Variants in RAB6B observed in about 807,000 individuals in gnomAD.
The protein encoded by RAB6B is ras-related protein Rab-6B.
In RAB6B, 7 loss-of-function variants were observed where a neutral mutation model predicts 31.2. That is an observed-to-expected ratio of 0.22 (90% CI 0.13 to 0.42). RAB6B has a LOEUF of 0.42. RAB6B is among the 10% of genes least tolerant of loss of function. The pLI is 1.00. For missense variants in RAB6B, 149 were observed against 280.6 expected (o/e 0.53, Z 3.35); for synonymous variants, 105 against 104.9 (o/e 1.00, Z -0.01).
intron 1 of RAB6B, among the ~76,000 whole-genome samples, chr3:133,866,602 T>G (rs1050601516): frequency 6.6e-6 from 1 of 152,228 alleles, no homozygotes; most frequent in South Asian, 2.1e-4. Context: ...AAACTTCTGA[T>G]AGAAACGAGG....
At chr3:133,856,239 G>C (rs1278594935) in intron 2 of RAB6B, among the ~76,000 whole-genome samples, 1 of 152,146 alleles carries the variant, frequency 6.6e-6, no homozygotes, top group Non-Finnish European at 1.5e-5. Flanking sequence ...ACAAAGAAGT[G>C]GACGGGAGGA....
intron 1 of RAB6B, among the ~76,000 whole-genome samples, chr3:133,890,257 C>G (rs1936619155): frequency 6.6e-6 from 1 of 152,094 alleles, no homozygotes; most frequent in Non-Finnish European, 1.5e-5. Flanking sequence ...TGAGGAAGTG[C>G]CCCCCAAGAA....
At chr3:133,877,570 CACA>C (rs1224157193) in intron 1 of RAB6B, among the ~76,000 whole-genome samples, 6 of 152,002 alleles carry the variant, frequency 3.9e-5, no homozygotes, top group Non-Finnish European at 7.4e-5. Flanking sequence ...ACTATCCACA[CACA>C]ACAAGGCAAA....
At position 133,828,164 on chromosome 3, in the gene RAB6B, C is replaced by T. The variant is rs1935602226; in HGVS notation, c.*624G>A. ...CCCACAGACCTTGGTCTCAGCTCCA[C>T]ACGAGGTTGACGACCCACTCTGGCC... On this transcript the variant is annotated 3_prime_UTR_variant, in exon 8 of 8. Transcript: ENST00000285208. The T allele has an allele frequency of 1.7e-6, 1 of 594,960 alleles. No individual in the cohort carries two copies. Among genetic ancestry groups the T allele is most frequent in the African/African-American group, 1.9e-5 (1 of 53,814 alleles). The allele number at this position is 594,960 out of a possible 1,614,324, so 36.9% of individuals were successfully genotyped here.
intron 5 of RAB6B, 116 bp from the exon 6 acceptor site, chr3:133,838,375 G>T: frequency 1.1e-6 from 1 of 901,128 alleles, no homozygotes; most frequent in South Asian, 1.4e-5. Flanking sequence ...GGTCAGTCCT[G>T]AAGACAGGCT....
rs1303208626 is a variant in RAB6B at position 133,872,761 on chromosome 3, A to C, written c.71-8119T>G. Among the ~76,000 whole-genome samples, 6 of 152,218 alleles carry C rather than the reference A, an allele frequency of 3.9e-5. No homozygotes were observed. In the East Asian group the frequency reaches 1.2e-3, roughly 29 times the overall value. On this transcript the variant is annotated intron_variant, in intron 1 of 7. Coordinates refer to ENST00000285208, the MANE Select transcript of RAB6B (RefSeq NM_016577.4). ...AAAACCCCATTTCAAACCATCCCCCAAAAGACTCAGATGGTAATTAAGAAA... is the reference window on the plus strand; with the variant it reads ...AAAACCCCATTTCAAACCATCCCCCCAAAGACTCAGATGGTAATTAAGAAA...
At chr3:133,834,394 AC>A (rs1935700801) in intron 7 of RAB6B, among the ~76,000 whole-genome samples, 180 bp downstream of exon 7, 1 of 152,146 alleles carries the variant, frequency 6.6e-6, no homozygotes, top group African/African-American at 2.4e-5. Context: ...TTAGAGCCAG[AC>A]GGGGGCTCCA....
At chr3:133,881,214 T>G (rs374570109) in intron 1 of RAB6B, among the ~76,000 whole-genome samples, 1 of 152,150 alleles carries the variant, frequency 6.6e-6, no homozygotes, top group African/African-American at 2.4e-5. Flanking sequence ...TCCCTAAGGT[T>G]AGCCCTTCTC....
At chr3:133,867,608 T>C (rs1184613979) in intron 1 of RAB6B, among the ~76,000 whole-genome samples, 1 of 152,206 alleles carries the variant, frequency 6.6e-6, no homozygotes, top group Non-Finnish European at 1.5e-5. Flanking sequence ...CAGGTCATTA[T>C]TGCCACTGCT....
At chr3:133,882,243 CAT>C (rs1357832238) in intron 1 of RAB6B, among the ~76,000 whole-genome samples, 1 of 152,230 alleles carries the variant, frequency 6.6e-6, no homozygotes, top group African/African-American at 2.4e-5. Flanking sequence ...AGAGGAGTCT[CAT>C]AAAGAAACAT....
chr3:133,852,724 C>T (rs943123087), intron 2 of RAB6B, among the ~76,000 whole-genome samples: 3 of 152,324 alleles, frequency 2.0e-5, no homozygotes, highest in Admixed American at 2.0e-4. Context: ...AGTGATCCTT[C>T]CGCTTCAGCC....
Position 133,825,176 on chromosome 3 carries a change from C to T in RAB6B, c.*3612G>A, listed in dbSNP as rs1935538750. On this transcript the variant is annotated 3_prime_UTR_variant, in exon 8 of 8. Transcript: ENST00000285208. ...CCTCGGCTACCTGGTCCCATCTCAT[C>T]CTGACATCCTCACCTGCCTTCCATC... 6.6e-6 allele frequency: 1 copy of T among 152,220 alleles called. No individual in the cohort carries two copies. 9.4% of individuals were successfully genotyped at this position (152,220 alleles called of 1,614,324 possible). A position where few individuals can be genotyped will look rare whatever the true frequency, so the allele number is the denominator to read the frequency against.
intron 7 of RAB6B, among the ~76,000 whole-genome samples, chr3:133,831,830 G>C (rs1935659928): frequency 6.6e-6 from 1 of 152,222 alleles, no homozygotes; most frequent in East Asian, 1.9e-4. Context: ...CTGGTTCCTG[G>C]AAGTGATGGG....
intron 2 of RAB6B, among the ~76,000 whole-genome samples, chr3:133,856,143 C>T (rs937588538): frequency 6.6e-6 from 1 of 152,132 alleles, no homozygotes; most frequent in Non-Finnish European, 1.5e-5. Flanking sequence ...CTTGCACCTA[C>T]AAAATTAAAA....
chr3:133,854,901 G>C (rs1287857191), intron 2 of RAB6B, among the ~76,000 whole-genome samples: 1 of 152,176 alleles, frequency 6.6e-6, no homozygotes, highest in Non-Finnish European at 1.5e-5. Flanking sequence ...ATTCTGACAA[G>C]ACACAGTAAT....
chr3:133,892,317 C>A (rs959588618), intron 1 of RAB6B, among the ~76,000 whole-genome samples: 1 of 152,170 alleles, frequency 6.6e-6, no homozygotes, highest in Non-Finnish European at 1.5e-5. Context: ...ACAATCCCAG[C>A]CTGTGCCAAG....
At chr3:133,860,559 A>C (rs1195410926) in intron 2 of RAB6B, among the ~76,000 whole-genome samples, 1 of 152,168 alleles carries the variant, frequency 6.6e-6, no homozygotes, top group Non-Finnish European at 1.5e-5. Flanking sequence ...AGGAGAAGAG[A>C]GAGGAAAGCC....
At chr3:133,885,979 G>A (rs1000943086) in intron 1 of RAB6B, among the ~76,000 whole-genome samples, 3 of 152,104 alleles carry the variant, frequency 2.0e-5, no homozygotes, top group Non-Finnish European at 4.4e-5. Flanking sequence ...TCTAATCCAT[G>A]AGCATGTCCC....
intron 1 of RAB6B, 94 bp downstream of exon 1, chr3:133,895,303 T>A: frequency 7.3e-7 from 1 of 1,363,168 alleles, no homozygotes; most frequent in South Asian, 1.2e-5. Flanking sequence ...AGGAGGGGCC[T>A]TTCCGAGCCT....
Sources: allele counts gnomAD v4.1 joint callset (sites outside exome capture counted in the v4.1 genomes callset), GRCh38; gene constraint gnomAD v4.1.1; transcripts MANE v1.5; gene names NCBI Gene and HGNC (gene_info 2026-07-23, HGNC 2026-07-21).